Variants in STK32C observed in about 807,000 individuals in gnomAD.
The protein encoded by STK32C is serine/threonine-protein kinase 32C.
In STK32C, 31 loss-of-function variants were observed where a neutral mutation model predicts 56.5. That is an observed-to-expected ratio of 0.55 (90% confidence interval 0.41 to 0.74). The LOEUF (loss-of-function observed/expected upper bound fraction) is 0.74. STK32C is among the 30% of genes least tolerant of loss of function. The probability of loss-of-function intolerance (pLI) is 0.00; values close to 1 mark genes in which losing one functional copy is unlikely to be tolerated. For missense variants in STK32C, 544 were observed against 676.9 expected, an observed-to-expected ratio of 0.80 and a Z score of 2.18; for synonymous variants, 309 against 289.4, an observed-to-expected ratio of 1.07 and a Z score of -0.69.
At chr10:132,297,091 G>A (rs914991487) in intron 1 of STK32C, among the ~76,000 whole-genome samples, 4 of 152,248 alleles carry the variant, frequency 2.6e-5, no homozygotes, top group African/African-American at 9.6e-5. Flanking sequence ...GCCCGAGCAG[G>A]TGCAGCTTCT....
intron 1 of STK32C, among the ~76,000 whole-genome samples, chr10:132,306,515 C>T (rs1037592409): frequency 1.1e-4 from 17 of 152,246 alleles, no homozygotes; most frequent in African/African-American, 3.9e-4. Context: ...CCCGGAGGAA[C>T]GGCGGTGCAC....
At chr10:132,222,811 A>G (rs539771829) in intron 9 of STK32C, 39 bp from the exon 10 acceptor site, 1 of 1,593,494 alleles carries the variant, frequency 6.3e-7, no homozygotes, top group East Asian at 2.3e-5. Flanking sequence ...CCCGTGGAGG[A>G]CGCCACATCC....
chr10:132,314,979 C>T (rs1421551925), intron 1 of STK32C, among the ~76,000 whole-genome samples: 11 of 151,962 alleles, frequency 7.2e-5, no homozygotes, highest in Admixed American at 7.2e-4. Context: ...TACTAAAAAT[C>T]CAAAATTAGC....
intron 3 of STK32C, among the ~76,000 whole-genome samples, chr10:132,227,285 C>T (rs558467137): frequency 2.0e-5 from 3 of 152,236 alleles, no homozygotes; most frequent in East Asian, 1.9e-4. Flanking sequence ...GCCTCCTCTT[C>T]GGTAAAATGG....
At chr10:132,292,831 C>T (rs1424143763) in intron 1 of STK32C, among the ~76,000 whole-genome samples, 1 of 152,152 alleles carries the variant, frequency 6.6e-6, no homozygotes, top group Non-Finnish European at 1.5e-5. Flanking sequence ...ATCAGATTGC[C>T]AACCTCTCAC....
Position 132,225,733 on chromosome 10 carries a change from C to G in STK32C, c.682+14G>C. 6.2e-7 allele frequency: 1 copy of G among 1,614,124 alleles called. No homozygotes were observed. Among genetic ancestry groups the G allele is most frequent in the African/African-American group, 1.3e-5 (1 of 75,058 alleles). ...CACCACCCACCTGGGCTGCCCACAC[C>G]CAACCCCACACACCTCTCTCATCCA... On this transcript the variant is annotated intron_variant, in intron 5 of 11. Transcript: ENST00000298630.
intron 2 of STK32C, among the ~76,000 whole-genome samples, chr10:132,240,235 T>A (rs940050395): frequency 6.6e-6 from 1 of 152,198 alleles, no homozygotes; most frequent in Non-Finnish European, 1.5e-5. Context: ...TCTCAGCCAG[T>A]GCTGCTCGCC....
chr10:132,284,285 AGGTTGGGGGG>A lies in STK32C; in HGVS notation c.262+23277_262+23286del, dbSNP rs2065307908. 1.4e-4 allele frequency among the ~76,000 whole-genome samples: 17 copies of A among 121,326 alleles called. 1 individual carries two copies. The highest frequency in any genetic ancestry group is 1.1e-3 in the Admixed American group (13 of 11,706). The allele number at this position is 121,326 out of a possible 152,430, so 79.6% of individuals were successfully genotyped here. On this transcript the variant is annotated intron_variant, in intron 1 of 11. Coordinates refer to ENST00000298630, the MANE Select transcript of STK32C (RefSeq NM_173575.4). ...TCAAGGTGGAGAACAGGGGCAGGTG[AGGTTGGGGGG>A]GGCAGGTGAGGTTGGGGGGGCAGGT...
chr10:132,254,137 G>T (rs1368356377), intron 1 of STK32C, among the ~76,000 whole-genome samples: 1 of 152,064 alleles, frequency 6.6e-6, no homozygotes, highest in Non-Finnish European at 1.5e-5. Flanking sequence ...GTGAAACCCC[G>T]TCTCTACTAA....
At chr10:132,287,613 G>A (rs1282941546) in intron 1 of STK32C, among the ~76,000 whole-genome samples, 26 of 151,612 alleles carry the variant, frequency 1.7e-4, no homozygotes, top group Non-Finnish European at 1.3e-4. Flanking sequence ...CACCATGTCC[G>A]GCTAATTTTT....
At chr10:132,300,231 T>A (rs999797600) in intron 1 of STK32C, among the ~76,000 whole-genome samples, 1 of 152,236 alleles carries the variant, frequency 6.6e-6, no homozygotes, top group African/African-American at 2.4e-5. Context: ...TGGAATGTGC[T>A]CGGTTCCTAT....
At chr10:132,258,036 C>T (rs1403988601) in intron 1 of STK32C, among the ~76,000 whole-genome samples, 3 of 152,238 alleles carry the variant, frequency 2.0e-5, no homozygotes, top group African/African-American at 2.4e-5. Context: ...CAAGTGCCCT[C>T]ACTGTCCCTG....
chr10:132,241,176 T>C (rs2063487491), intron 2 of STK32C, among the ~76,000 whole-genome samples: 1 of 152,188 alleles, frequency 6.6e-6, no homozygotes, highest in South Asian at 2.1e-4. Flanking sequence ...CCACACCTGC[T>C]GCCCAGGCTG....
chr10:132,223,813 A>G (rs1357901110), intron 8 of STK32C, among the ~76,000 whole-genome samples: 2 of 152,106 alleles, frequency 1.3e-5, no homozygotes, highest in Non-Finnish European at 2.9e-5. Context: ...CGAACCCCCT[A>G]TGGTGTTAAT....
At chr10:132,299,526 A>C (rs1223417321) in intron 1 of STK32C, among the ~76,000 whole-genome samples, 1 of 152,250 alleles carries the variant, frequency 6.6e-6, no homozygotes, top group African/African-American at 2.4e-5. Flanking sequence ...CCTCAGGACA[A>C]GACCCCTGGG....
rs1049445111 is a variant in STK32C, at chr10:132,262,491, G to C, written c.263-16536C>G. On this transcript the variant is annotated intron_variant, in intron 1 of 11. Transcript: ENST00000298630. ...ACGGCAAGAGAAACCATCAACAGAA[G>C]AAACAGAAAACCTACAAACAGGGAG... Among the ~76,000 whole-genome samples, 29 of 152,222 alleles carry C rather than the reference G, an allele frequency of 1.9e-4. 2 individuals are homozygous for C. In the South Asian group the frequency reaches 3.1e-3, roughly 16 times the overall value.
At chr10:132,223,222 C>T (rs551286337) in intron 8 of STK32C, among the ~76,000 whole-genome samples, 4 of 150,404 alleles carry the variant, frequency 2.7e-5, no homozygotes, top group South Asian at 2.1e-4. Context: ...GCTACCTAAA[C>T]CCCTGGCGCC....
chr10:132,222,869 C>T lies in STK32C; in HGVS notation c.1111G>A (p.Val371Met), dbSNP rs977700363. 4 of 1,583,180 alleles carry T rather than the reference C, an allele frequency of 2.5e-6. No homozygotes were observed. Among genetic ancestry groups the T allele is most frequent in the African/African-American group, 1.3e-5 (1 of 74,118 alleles). ...GCCGCCCACAGGCTTACGTTGGGCA[C>T]GAAGCCCGGCTCCACCCTCTTCTCG... is the stretch of plus-strand genomic sequence containing the variant. ...LSEKRVEPGF[V>M]PNKGRLHCDP... The change falls in exon 9 of 12, where the codon GTG becomes ATG. Residue 371 changes from valine to methionine, a missense_variant. By Grantham distance (21) the Val-to-Met change is conservative. This residue lies in a region of STK32C where 277 missense variants were observed against 309.3 expected (regional missense o/e 0.90). Transcript: ENST00000298630.
intron 2 of STK32C, among the ~76,000 whole-genome samples, chr10:132,244,155 G>A (rs1451781206): frequency 6.6e-6 from 1 of 152,084 alleles, no homozygotes; most frequent in African/African-American, 2.4e-5. Context: ...TCCCCTCAGT[G>A]CCAGGCACCC....
Sources: allele counts gnomAD v4.1 joint callset (sites outside exome capture counted in the v4.1 genomes callset), GRCh38; gene constraint gnomAD v4.1.1; regional missense constraint gnomAD v4.1.1; transcripts MANE v1.5; gene names NCBI Gene and HGNC (gene_info 2026-07-23, HGNC 2026-07-21).